Variants in KCNH1 observed in about 807,000 individuals in gnomAD.
KCNH1 encodes potassium voltage-gated channel subfamily H member 1.
Under a neutral mutation model 69.2 loss-of-function variants are expected in KCNH1, and 27 were observed. The observed-to-expected ratio is 0.39, with a 90% confidence interval of 0.29 to 0.54. The LOEUF (loss-of-function observed/expected upper bound fraction) is 0.54, where lower values mean the gene tolerates loss of function less well. Among genes scored for constraint, KCNH1 ranks in the 20% least tolerant of loss-of-function variants. The pLI is 0.68. For synonymous variants in KCNH1, 456 were observed against 487.7 expected, an observed-to-expected ratio of 0.93 and a Z score of 0.86; for missense variants, 798 against 1,261.6, an observed-to-expected ratio of 0.63 and a Z score of 5.57.
At chr1:210,887,303 T>A (rs1211856713) in intron 7 of KCNH1, among the ~76,000 whole-genome samples, 2 of 152,118 alleles carry the variant, frequency 1.3e-5, no homozygotes, top group African/African-American at 4.8e-5. Flanking sequence ...CTAAGCTTCA[T>A]AAGCAAAGGA....
intron 7 of KCNH1, chr1:210,859,698 TG>T (rs1474476407): frequency 4.9e-5 from 61 of 1,239,896 alleles, no homozygotes; most frequent in Non-Finnish European, 6.6e-5. Context: ...GGATAAAAGC[TG>T]GCAAAATCTG....
chr1:210,935,902 C>A (rs1687768062), intron 6 of KCNH1, among the ~76,000 whole-genome samples: 1 of 152,192 alleles, frequency 6.6e-6, no homozygotes. Flanking sequence ...TTAATAGATT[C>A]ATCTGTGTGC....
intron 10 of KCNH1, among the ~76,000 whole-genome samples, chr1:210,740,468 A>G (rs1246807741): frequency 1.3e-5 from 2 of 151,746 alleles, no homozygotes; most frequent in African/African-American, 4.8e-5. Flanking sequence ...ACCTAACTCT[A>G]TTGTTTCTGG....
intron 5 of KCNH1, among the ~76,000 whole-genome samples, chr1:211,057,785 G>GA (rs200801834): frequency 1.5e-3 from 229 of 150,404 alleles, no homozygotes; most frequent in African/African-American, 5.1e-3. Flanking sequence ...CGACAGATCC[G>GA]AAAAAAAAAG....
intron 7 of KCNH1, among the ~76,000 whole-genome samples, chr1:210,843,918 T>A (rs1685479576): frequency 6.6e-6 from 1 of 152,162 alleles, no homozygotes. Context: ...TGACTCTGAG[T>A]AAGAAGGGCT....
Position 210,883,296 on chromosome 1 carries a change from T to G in KCNH1, c.1462+36344A>C, listed in dbSNP as rs1686535508. On this transcript the variant is annotated intron_variant, in intron 7 of 10. Transcript: ENST00000271751. ...GCTTCTGATAGAGAAAAGCTCTTCT[T>G]TCCTGGCTAACATATGTGAGGCTAA... 1.3e-5 allele frequency among the ~76,000 whole-genome samples: 2 copies of G among 152,206 alleles called. 1 individual carries two copies. Among genetic ancestry groups the G allele is most frequent in the Admixed American group, 1.3e-4 (2 of 15,276 alleles).
chr1:210,939,581 G>A (rs1404194811), intron 6 of KCNH1, among the ~76,000 whole-genome samples: 1 of 152,160 alleles, frequency 6.6e-6, no homozygotes, highest in Non-Finnish European at 1.5e-5. Context: ...TCTTTGGTGA[G>A]AATAATCAAT....
At chr1:210,759,646 T>A (rs1031715763) in intron 10 of KCNH1, among the ~76,000 whole-genome samples, 1 of 152,030 alleles carries the variant, frequency 6.6e-6, no homozygotes, top group Admixed American at 6.6e-5. Context: ...AAAAGAATTT[T>A]AAAAAATGAA....
chr1:210,898,310 AT>A (rs1215382416), intron 7 of KCNH1, among the ~76,000 whole-genome samples: 3 of 152,200 alleles, frequency 2.0e-5, no homozygotes, highest in East Asian at 1.9e-4. Flanking sequence ...GGGCAAAAAA[AT>A]ATGCCATTTA....
At chr1:211,089,331 C>A (rs1290703481) in intron 4 of KCNH1, among the ~76,000 whole-genome samples, 1 of 152,186 alleles carries the variant, frequency 6.6e-6, no homozygotes, top group African/African-American at 2.4e-5. Context: ...AATCATGAAT[C>A]TGTAAGAAAA....
rs550703563 is a variant in KCNH1, at chr1:210,852,749, A to T, written c.1463-48583T>A. ...AAACATTATGTAGGTTACAGGTTAA[A>T]ATCATTCCATGGTTCCCTTACTTTC... is the stretch of plus-strand genomic sequence containing the variant. On this transcript the variant is annotated intron_variant, in intron 7 of 10. Transcript: ENST00000271751. Among the ~76,000 whole-genome samples, 27 of 152,328 alleles carry T rather than the reference A, an allele frequency of 1.8e-4. 1 individual carries two copies. The South Asian group carries it at 5.2e-3, about 29-fold the overall frequency.
intron 7 of KCNH1, among the ~76,000 whole-genome samples, chr1:210,905,485 A>C (rs1687083092): frequency 6.6e-6 from 1 of 152,082 alleles, no homozygotes; most frequent in African/African-American, 2.4e-5. Flanking sequence ...GTCAATATAG[A>C]CACCTTCCCA....
At chr1:210,814,563 T>C (rs1684774458) in intron 7 of KCNH1, among the ~76,000 whole-genome samples, 1 of 152,182 alleles carries the variant, frequency 6.6e-6, no homozygotes, top group African/African-American at 2.4e-5. Context: ...ACTCAGGTTC[T>C]GATGAGAAAG....
Position 210,683,673 on chromosome 1 carries a change from C to T in KCNH1, c.2578G>A (p.Glu860Lys). The change falls in exon 11 of 11, where the codon GAG becomes AAG. Residue 860 changes from glutamate (E) to lysine (K), a missense_variant. Around this residue, in one of 4 missense-constraint regions of KCNH1, gnomAD observed 331 missense variants for 363.2 expected, o/e 0.91. Transcript: ENST00000271751. The surrounding 1 kb of genome is among the most constrained non-coding windows in gnomAD (Gnocchi z 5.7). Reference sequence around the variant, plus strand: ...GCTTTTGTCCTCTCGGGAAGTGTCTCCATCGACTCAGCCTTGGACACCTTG... The same window carrying T: ...GCTTTTGTCCTCTCGGGAAGTGTCTTCATCGACTCAGCCTTGGACACCTTG... ...WNKVSKAESM[E>K]TLPERTKASG... is the part of the protein sequence containing the mutation. The T allele has an allele frequency of 6.2e-7, 1 of 1,614,212 alleles. No individual in the cohort carries two copies. Among genetic ancestry groups the T allele is most frequent in the Non-Finnish European group, 8.5e-7 (1 of 1,180,034 alleles).
At chr1:210,860,791 G>A in intron 7 of KCNH1, 2 of 845,296 alleles carry the variant, frequency 2.4e-6, no homozygotes, top group Non-Finnish European at 2.1e-6. Flanking sequence ...TAGCTCTAAA[G>A]CTGTTTGAAT....
intron 7 of KCNH1, among the ~76,000 whole-genome samples, chr1:210,899,797 A>G (rs1558517300): frequency 1.3e-5 from 2 of 152,234 alleles, no homozygotes; most frequent in Non-Finnish European, 2.9e-5. Context: ...AGAGTTGAAC[A>G]TCTTGCCCAA....
intron 6 of KCNH1, among the ~76,000 whole-genome samples, chr1:210,944,716 G>C (rs1009698231): frequency 6.6e-6 from 1 of 152,124 alleles, no homozygotes; most frequent in Admixed American, 6.5e-5. Flanking sequence ...GCCAAATCTA[G>C]AAAAGAAACA....
intron 7 of KCNH1, among the ~76,000 whole-genome samples, chr1:210,864,941 T>C (rs886424869): frequency 3.9e-5 from 6 of 152,212 alleles, no homozygotes; most frequent in African/African-American, 1.4e-4. Context: ...CCCTTCCATG[T>C]GGCTCTTTGA....
At chr1:210,759,758 T>C (rs1683477833) in intron 10 of KCNH1, among the ~76,000 whole-genome samples, 1 of 152,176 alleles carries the variant, frequency 6.6e-6, no homozygotes, top group African/African-American at 2.4e-5. Flanking sequence ...AAAATATATT[T>C]GAGGATATAA....
Sources: gnomAD v4.1 joint callset for allele counts (sites outside exome capture counted in the v4.1 genomes callset) on GRCh38, gnomAD v4.1.1 for gene constraint, gnomAD v4.1.1 regional missense constraint, Gnocchi (gnomAD v3.1) non-coding constraint, MANE v1.5 for transcripts, NCBI Gene and HGNC (gene_info 2026-07-23, HGNC 2026-07-21) for gene names.